Variants in CASZ1 observed in about 807,000 individuals in gnomAD.
CASZ1 encodes the protein zinc finger protein castor homolog 1.
CASZ1 carries 28 observed loss-of-function variants against 135.2 expected under a neutral mutation model. That is an observed-to-expected ratio of 0.21 (90% CI 0.15 to 0.28). The LOEUF is 0.28. CASZ1 is among the 10% of genes least tolerant of loss of function. CASZ1 has a pLI of 1.00. For synonymous variants in CASZ1, 1,068 were observed against 1,073.4 expected (o/e 0.99, Z 0.10); for missense variants, 2,161 against 2,453.3 (o/e 0.88, Z 2.52).
rs1232081228 is a variant in CASZ1 at position 10,697,855 on chromosome 1, T to C, written c.-23-3943A>G. ...GACTGCGTGTGCCTGCGAACAAGCA[T>C]GTTCGCACCTGCGAGGGAGTCCGTG... is the stretch of plus-strand genomic sequence containing the variant. On this transcript the variant is annotated intron_variant, in intron 3 of 20. Coordinates refer to ENST00000377022, the MANE Select transcript of CASZ1 (RefSeq NM_001079843.3). The surrounding 1 kb of genome is among the most constrained non-coding windows in gnomAD (Gnocchi z 4.7). 6.6e-6 allele frequency among the ~76,000 whole-genome samples: 1 copy of C among 152,220 alleles called. No homozygotes were observed. Among genetic ancestry groups the C allele is most frequent in the Non-Finnish European group, 1.5e-5 (1 of 68,032 alleles).
In CASZ1 at chr1:10,725,508, C is replaced by A. The variant is rs1043413067; in HGVS notation, c.-76-19964G>T. Among the ~76,000 whole-genome samples the A allele has an allele frequency of 2.0e-5, 3 of 152,210 alleles. No homozygotes were observed. The highest frequency in any genetic ancestry group is 2.1e-4 in the South Asian group (1 of 4,826). ...ATTTCTTATTGGATTTCTCAAAAAA[C>A]CTGACATTTTAAATTAATTTACAGC... is the stretch of plus-strand genomic sequence containing the variant. On this transcript the variant is annotated intron_variant, in intron 2 of 20. Transcript: ENST00000377022. This position sits in a 1 kb window ranked among gnomAD's most constrained non-coding sequence, Gnocchi z 4.4.
In CASZ1 at chr1:10,777,869, G is replaced by A. The variant is rs1407042502; in HGVS notation, c.-233-17012C>T. Among the ~76,000 whole-genome samples, 4 of 150,090 alleles carry A rather than the reference G, an allele frequency of 2.7e-5. No individual in the cohort carries two copies. The highest frequency in any genetic ancestry group is 9.8e-5 in the African/African-American group (4 of 40,688). ...CACACTCTCATATACAATGACTCAC[G>A]ATCTCACACAATCACACAATTTCAC... is the stretch of plus-strand genomic sequence containing the variant. On this transcript the variant is annotated intron_variant, in intron 1 of 20. Transcript: ENST00000377022. The surrounding 1 kb of genome is among the most constrained non-coding windows in gnomAD (Gnocchi z 4.4).
In CASZ1 at chr1:10,739,173, T is replaced by C. The variant is rs573973158; in HGVS notation, c.-77+21528A>G. Among the ~76,000 whole-genome samples, 5 of 152,252 alleles carry C rather than the reference T, an allele frequency of 3.3e-5. No homozygotes were observed. In the East Asian group the frequency reaches 9.7e-4, roughly 29 times the overall value. ...GGCATCTTGTGGAGGGTGGCTGCTCTTTTCAGGCCGGCGGCCAGTCCCCGG... is the reference window on the plus strand; with the variant it reads ...GGCATCTTGTGGAGGGTGGCTGCTCCTTTCAGGCCGGCGGCCAGTCCCCGG... On this transcript the variant is annotated intron_variant, in intron 2 of 20. Transcript: ENST00000377022. The surrounding 1 kb of genome is among the most constrained non-coding windows in gnomAD (Gnocchi z 4.8).
intron 1 of CASZ1, among the ~76,000 whole-genome samples, chr1:10,786,060 T>A (rs1640853736): frequency 6.6e-6 from 1 of 152,094 alleles, no homozygotes; most frequent in African/African-American, 2.4e-5. Flanking sequence ...CCACACAGCC[T>A]CCATCTGCGA....
In CASZ1 at chr1:10,649,340, G is replaced by A. The variant is rs1216149115; in HGVS notation, c.2978C>T (p.Ala993Val). The change falls in exon 14 of 21, where the codon GCC (alanine) becomes GTC (valine). Residue 993 changes from alanine to valine, a missense_variant. Ala to Val is a moderately conservative substitution (Grantham distance 64). Coordinates refer to ENST00000377022, the MANE Select transcript of CASZ1 (RefSeq NM_001079843.3). ...CTTCTCCTGAACCAGCGCCTTCACG[G>A]CCTTGCCTAGGAAGGGCGAGGGCTC... ...AAEPSPFLGK[A>V]VKALVQEKLA... 6 of 1,598,044 alleles carry A rather than the reference G, an allele frequency of 3.8e-6. No individual in the cohort carries two copies. The African/African-American group carries it at 8.0e-5, about 21-fold the overall frequency.
chr1:10,772,671 C>G (rs1250922803), intron 1 of CASZ1, among the ~76,000 whole-genome samples: 1 of 152,186 alleles, frequency 6.6e-6, no homozygotes, highest in Non-Finnish European at 1.5e-5. Context: ...GGGTGTCCAC[C>G]TGAGTGCCAG....
chr1:10,665,251 C>T lies in CASZ1; in HGVS notation c.337G>A (p.Gly113Ser), dbSNP rs2100290524. ...ACACCCTCGGGAGGCAGCTCCAGGC[C>T]CTCGCGGGCAATCCGCCCCAACACG... The part of the protein sequence containing the change: ...TPVLGRIARE[G>S]LELPPEGVYM... The change falls in exon 5 of 21, where the codon GGC becomes AGC. Residue 113 changes from glycine to serine, a missense_variant. Physicochemically the swap from Gly to Ser is moderately conservative, Grantham distance 56 (BLOSUM62 0). This residue lies in a region of CASZ1 where 590 missense variants were observed against 609.8 expected (regional missense o/e 0.97). Transcript: ENST00000377022. 6.2e-7 allele frequency: 1 copy of T among 1,605,966 alleles called. No homozygotes were observed. Among genetic ancestry groups the T allele is most frequent in the Non-Finnish European group, 8.5e-7 (1 of 1,175,184 alleles).
intron 4 of CASZ1, among the ~76,000 whole-genome samples, chr1:10,688,361 G>A (rs1290998478): frequency 1.3e-5 from 2 of 152,250 alleles, no homozygotes; most frequent in African/African-American, 4.8e-5. Flanking sequence ...GCTTTAGGGA[G>A]CTGGGTGGCC....
intron 2 of CASZ1, among the ~76,000 whole-genome samples, chr1:10,705,902 G>A (rs1034554266): frequency 2.0e-5 from 3 of 152,358 alleles, no homozygotes; most frequent in African/African-American, 7.2e-5. Flanking sequence ...TGGCCTGCAC[G>A]CTCCCGTGGA....
At chr1:10,750,560 G>A (rs1405622152) in intron 2 of CASZ1, among the ~76,000 whole-genome samples, 1 of 152,020 alleles carries the variant, frequency 6.6e-6, no homozygotes, top group Non-Finnish European at 1.5e-5. Context: ...GAGCCACTGT[G>A]CCCAGCCCTG....
Position 10,658,581 on chromosome 1 carries a change from C to A in CASZ1, c.1341-5G>T. 1 of 1,613,834 alleles carries A rather than the reference C, an allele frequency of 6.2e-7. No individual in the cohort carries two copies. Among genetic ancestry groups the A allele is most frequent in the Middle Eastern group, 1.6e-4 (1 of 6,062 alleles). On this transcript the variant is annotated splice_region_variant and splice_polypyrimidine_tract_variant and intron_variant, in intron 6 of 20. Coordinates refer to ENST00000377022, the MANE Select transcript of CASZ1 (RefSeq NM_001079843.3). The stretch of plus-strand genomic sequence containing the variant: ...TTATCTGTGGGCAGTCCGTTCCTGG[C>A]AAGAGACACACAGGGCACAGCCGGT...
chr1:10,749,373 G>C (rs1640106686), intron 2 of CASZ1, among the ~76,000 whole-genome samples: 1 of 151,954 alleles, frequency 6.6e-6, no homozygotes, highest in South Asian at 2.1e-4. Flanking sequence ...TCAGCCTCCT[G>C]AGTAGCTAGG....
chr1:10,736,667 C>T (rs554250594), intron 2 of CASZ1, among the ~76,000 whole-genome samples: 1 of 152,222 alleles, frequency 6.6e-6, no homozygotes, highest in South Asian at 2.1e-4. Context: ...ACCTACGAGG[C>T]CCCTCTCTCA....
In CASZ1 at chr1:10,700,191, G is replaced by A. The variant is rs78379433; in HGVS notation, c.-24+5301C>T. ...CCCAGCCTGTGGCCCCAGCCCGGGCGGGGACCTGTTCTGGAATGTTGGGTT... is the reference window on the plus strand; with the variant it reads ...CCCAGCCTGTGGCCCCAGCCCGGGCAGGGACCTGTTCTGGAATGTTGGGTT... On this transcript the variant is annotated intron_variant, in intron 3 of 20. Coordinates refer to ENST00000377022, the MANE Select transcript of CASZ1 (RefSeq NM_001079843.3). This position sits in a 1 kb window ranked among gnomAD's most constrained non-coding sequence, Gnocchi z 4.2. 3.5e-3 allele frequency among the ~76,000 whole-genome samples: 531 copies of A among 152,226 alleles called. 3 individuals are homozygous for A. The highest frequency in any genetic ancestry group is 0.012 in the African/African-American group (493 of 41,538).
chr1:10,655,386 A>C (rs1642752038), intron 9 of CASZ1, among the ~76,000 whole-genome samples: 1 of 152,240 alleles, frequency 6.6e-6, no homozygotes. Flanking sequence ...CATCTGTATA[A>C]ACAGCTCACT....
rs1351675579 is a variant in CASZ1 at position 10,776,152 on chromosome 1, AT to A, written c.-233-15296del. Among the ~76,000 whole-genome samples, 1 of 152,250 alleles carries A rather than the reference AT, an allele frequency of 6.6e-6. No homozygotes were observed. The highest frequency in any genetic ancestry group is 1.9e-4 in the East Asian group (1 of 5,204). The stretch of plus-strand genomic sequence containing the variant: ...CAACTTCCTTGAAATAAATTTTACT[AT>A]TTTATTAGTGCAAACAAAATGGTAA... On this transcript the variant is annotated intron_variant, in intron 1 of 20. Coordinates refer to ENST00000377022, the MANE Select transcript of CASZ1 (RefSeq NM_001079843.3). The surrounding 1 kb of genome is among the most constrained non-coding windows in gnomAD (Gnocchi z 4.1).
intron 1 of CASZ1, among the ~76,000 whole-genome samples, chr1:10,784,529 C>G (rs367672919): frequency 1.3e-5 from 2 of 152,296 alleles, no homozygotes; most frequent in South Asian, 4.2e-4. Flanking sequence ...CTCCAGTTAT[C>G]TCCCTACCTC....
Position 10,637,483 on chromosome 1 carries a change from GA to G in CASZ1, c.*1458del, listed in dbSNP as rs1642030242. The stretch of plus-strand genomic sequence containing the variant: ...CCCCAGTTGAGCCAGGTTCCTCCTG[GA>G]GACCTCTGGGGAGGAGGCTTCTGGA... On this transcript the variant is annotated 3_prime_UTR_variant, in exon 21 of 21. Coordinates refer to ENST00000377022, the MANE Select transcript of CASZ1 (RefSeq NM_001079843.3). 6.6e-6 allele frequency: 1 copy of G among 152,366 alleles called. No individual in the cohort carries two copies. The highest frequency in any genetic ancestry group is 6.5e-5 in the Admixed American group (1 of 15,280). 9.4% of individuals were successfully genotyped at this position (152,366 alleles called of 1,614,324 possible). A position where few individuals can be genotyped will look rare whatever the true frequency, so the allele number is the denominator to read the frequency against.
chr1:10,650,629 C>G, intron 13 of CASZ1, 63 bp downstream of exon 13: 1 of 1,380,524 alleles, frequency 7.2e-7, no homozygotes, highest in Non-Finnish European at 1.0e-6. Flanking sequence ...TCCCCCCACC[C>G]CCCAGCACAG....
Sources: gnomAD v4.1 joint callset for allele counts (sites outside exome capture counted in the v4.1 genomes callset) on GRCh38, gnomAD v4.1.1 for gene constraint, gnomAD v4.1.1 regional missense constraint, Gnocchi (gnomAD v3.1) non-coding constraint, MANE v1.5 for transcripts, NCBI Gene and HGNC (gene_info 2026-07-23, HGNC 2026-07-21) for gene names.